Variants in ANO4 observed in about 807,000 individuals in gnomAD.
ANO4 encodes the protein anoctamin-4.
In ANO4, 69 loss-of-function variants were observed where a neutral mutation model predicts 141.9. The ratio of observed to expected loss-of-function variants is 0.49; its 90% confidence interval spans 0.40 to 0.59. ANO4 has a LOEUF of 0.59. Ranked by LOEUF, ANO4 falls within the 20% of genes least tolerant of loss-of-function variation. The pLI is 0.00. For missense variants in ANO4, 894 were observed against 1,162.2 expected (o/e 0.77, Z 3.36); for synonymous variants, 350 against 394.3 (o/e 0.89, Z 1.33).
intron 2 of ANO4, among the ~76,000 whole-genome samples, chr12:100,907,446 G>A (rs868835078): frequency 6.6e-6 from 1 of 151,982 alleles, no homozygotes; most frequent in Non-Finnish European, 1.5e-5. Context: ...CTACTTCCCC[G>A]TGCTTCCACA....
chr12:100,894,038 C>G (rs563765357), intron 1 of ANO4, among the ~76,000 whole-genome samples: 3 of 152,268 alleles, frequency 2.0e-5, no homozygotes, highest in Non-Finnish European at 4.4e-5. Flanking sequence ...AAGGTTAGAT[C>G]TAGAAAATAT....
chr12:100,717,601 A>G (rs1294931718), intron 1 of ANO4: 1 of 399,396 alleles, frequency 2.5e-6, no homozygotes, highest in East Asian at 3.6e-5. Flanking sequence ...GGAGGGGCCC[A>G]GGGAGCCGTC....
chr12:100,881,777 G>A (rs1398695033), intron 1 of ANO4, among the ~76,000 whole-genome samples: 1 of 152,206 alleles, frequency 6.6e-6, no homozygotes, highest in Non-Finnish European at 1.5e-5. Context: ...AGAGAGAAAA[G>A]CAGTTGTCAT....
chr12:100,783,086 C>T (rs749309187), intron 3 of ANO4, among the ~76,000 whole-genome samples: 2 of 152,108 alleles, frequency 1.3e-5, no homozygotes, highest in Non-Finnish European at 2.9e-5. Flanking sequence ...CTTCTATCTA[C>T]CCAACAACTG....
intron 3 of ANO4, among the ~76,000 whole-genome samples, chr12:100,772,305 TC>T (rs2033332633): frequency 6.6e-6 from 1 of 152,170 alleles, no homozygotes; most frequent in Non-Finnish European, 1.5e-5. Flanking sequence ...GTTTAGAAGA[TC>T]GAAAGGGCGT....
chr12:100,729,854 C>T (rs2031312203), intron 1 of ANO4, among the ~76,000 whole-genome samples: 1 of 152,200 alleles, frequency 6.6e-6, no homozygotes, highest in Non-Finnish European at 1.5e-5. Context: ...AAATTGTTGC[C>T]CTGGTTTTAC....
chr12:101,089,891 A>G (rs1194616259), intron 17 of ANO4, among the ~76,000 whole-genome samples: 1 of 152,226 alleles, frequency 6.6e-6, no homozygotes, highest in African/African-American at 2.4e-5. Flanking sequence ...GAACTTAAAT[A>G]AATTTACAAG....
chr12:100,779,895 G>A (rs1342672653), intron 3 of ANO4, among the ~76,000 whole-genome samples: 1 of 151,886 alleles, frequency 6.6e-6, no homozygotes, highest in Non-Finnish European at 1.5e-5. Context: ...TCCTTGATAG[G>A]GCTTTCATGC....
intron 3 of ANO4, among the ~76,000 whole-genome samples, chr12:100,935,493 C>T (rs903638608): frequency 6.6e-6 from 1 of 152,076 alleles, no homozygotes; most frequent in African/African-American, 2.4e-5. Context: ...ATTTAATGAA[C>T]CTAACAGCAA....
intron 1 of ANO4, among the ~76,000 whole-genome samples, chr12:100,861,893 G>A (rs753626696): frequency 1.3e-5 from 2 of 151,744 alleles, no homozygotes; most frequent in Non-Finnish European, 2.9e-5. Flanking sequence ...TCACACATTA[G>A]CGTAGGCCTA....
intron 2 of ANO4, among the ~76,000 whole-genome samples, chr12:100,911,428 T>C (rs1361207563): frequency 1.3e-5 from 2 of 152,178 alleles, no homozygotes; most frequent in African/African-American, 4.8e-5. Context: ...GCTCAAACCT[T>C]AGCGTAAGAA....
intron 21 of ANO4, 136 bp from the exon 22 acceptor site, chr12:101,099,442 C>A: frequency 1.3e-6 from 1 of 763,732 alleles, no homozygotes; most frequent in Non-Finnish European, 2.1e-6. Context: ...TCTTCCTAAC[C>A]TGAGGCTTTA....
chr12:100,863,205 G>A (rs1431263717), intron 1 of ANO4, among the ~76,000 whole-genome samples: 1 of 152,164 alleles, frequency 6.6e-6, no homozygotes, highest in Non-Finnish European at 1.5e-5. Context: ...TACAGATCTT[G>A]TAGGGCTTTT....
chr12:100,889,274 A>C (rs1443597263), intron 1 of ANO4, among the ~76,000 whole-genome samples: 8 of 152,164 alleles, frequency 5.3e-5, no homozygotes, highest in Admixed American at 4.6e-4. Flanking sequence ...TTAATCCAGT[A>C]TATCATTGTC....
chr12:100,978,158 GGAT>G (rs1425324442), intron 7 of ANO4, among the ~76,000 whole-genome samples: 7 of 152,208 alleles, frequency 4.6e-5, no homozygotes, highest in Admixed American at 4.6e-4. Flanking sequence ...TTGAAGGCAA[GGAT>G]GACTCATTCA....
intron 3 of ANO4, among the ~76,000 whole-genome samples, chr12:100,787,825 G>A (rs1425815688): frequency 6.6e-6 from 1 of 152,150 alleles, no homozygotes. Context: ...AGATAGCGAT[G>A]CATTTACATG....
intron 1 of ANO4, among the ~76,000 whole-genome samples, chr12:100,883,503 C>T (rs1384248032): frequency 6.6e-6 from 1 of 152,218 alleles, no homozygotes; most frequent in African/African-American, 2.4e-5. Flanking sequence ...AGAGAGATAG[C>T]CTACTGATAA....
At chr12:101,048,621 G>A (rs1265260839) in intron 14 of ANO4, among the ~76,000 whole-genome samples, 2 of 152,194 alleles carry the variant, frequency 1.3e-5, no homozygotes, top group African/African-American at 4.8e-5. Flanking sequence ...AATGTCATTA[G>A]CACTCTGTTA....
At chr12:100,828,844 C>T (rs1046796460) in intron 1 of ANO4, among the ~76,000 whole-genome samples, 3 of 151,784 alleles carry the variant, frequency 2.0e-5, no homozygotes, top group African/African-American at 7.3e-5. Context: ...ATGGTAAAAC[C>T]CCATCTCTAC....
Sources: gnomAD v4.1 joint callset for allele counts (sites outside exome capture counted in the v4.1 genomes callset) on GRCh38, gnomAD v4.1.1 for gene constraint, MANE v1.5 for transcripts, NCBI Gene and HGNC (gene_info 2026-07-23, HGNC 2026-07-21) for gene names.